Variants in RRAS2 observed in about 807,000 individuals in gnomAD.
RRAS2 encodes RAS related 2.
RRAS2 carries 7 observed loss-of-function variants against 27.6 expected under a neutral mutation model. That is an observed-to-expected ratio of 0.25 (90% confidence interval 0.14 to 0.48). The LOEUF (loss-of-function observed/expected upper bound fraction) is 0.48. RRAS2 is among the 20% of genes least tolerant of loss of function. RRAS2 has a pLI of 0.99. For missense variants in RRAS2, 178 were observed against 256.2 expected, an observed-to-expected ratio of 0.69 and a Z score of 2.08; for synonymous variants, 86 against 90.9, an observed-to-expected ratio of 0.95 and a Z score of 0.31.
intron 4 of RRAS2, among the ~76,000 whole-genome samples, chr11:14,291,368 G>A (rs1554945776): frequency 4.6e-5 from 7 of 152,166 alleles, no homozygotes; most frequent in Non-Finnish European, 1.0e-4. Flanking sequence ...GAGTACAGGT[G>A]CAAAGGAAGA....
At chr11:14,322,033 T>C (rs1848235423) in intron 1 of RRAS2, among the ~76,000 whole-genome samples, 1 of 152,100 alleles carries the variant, frequency 6.6e-6, no homozygotes, top group African/African-American at 2.4e-5. Flanking sequence ...AGACACTGTA[T>C]AAAAAACAAA....
At chr11:14,330,959 C>T (rs1370324531) in intron 1 of RRAS2, among the ~76,000 whole-genome samples, 6 of 152,142 alleles carry the variant, frequency 3.9e-5, no homozygotes, top group African/African-American at 1.4e-4. Context: ...CACTGTTGCT[C>T]AGGGTGGTGT....
At chr11:14,348,194 A>C (rs1225606168) in intron 1 of RRAS2, among the ~76,000 whole-genome samples, 1 of 152,246 alleles carries the variant, frequency 6.6e-6, no homozygotes, top group Non-Finnish European at 1.5e-5. Context: ...AGCATAACAA[A>C]GTAAAACAAA....
intron 4 of RRAS2, among the ~76,000 whole-genome samples, chr11:14,286,157 C>T (rs1259058957): frequency 4.6e-5 from 7 of 152,256 alleles, no homozygotes; most frequent in Admixed American, 4.6e-4. Context: ...GTTTTAATGT[C>T]TCTGTCCACT....
intron 1 of RRAS2, among the ~76,000 whole-genome samples, chr11:14,329,578 C>T (rs1001704597): frequency 6.6e-6 from 1 of 152,168 alleles, no homozygotes; most frequent in East Asian, 1.9e-4. Context: ...ATTATATAAG[C>T]TGTAGGTCCC....
chr11:14,295,796 C>A lies in RRAS2; in HGVS notation c.168G>T (p.Val56=). ...CTAGCCGGGCTGCTCTGTCATCTAT[C>A]ACACACTGCTTTGTGTAAGAATCTT... ...TIEDSYTKQC[V]IDDRAARLDI... Residue 56 remains valine, a synonymous_variant, in exon 2 of 6, where the codon GTG becomes GTT. Coordinates refer to ENST00000256196, the MANE Select transcript of RRAS2 (RefSeq NM_012250.6). 1 of 1,613,216 alleles carries A rather than the reference C, an allele frequency of 6.2e-7. No homozygotes were observed. The highest frequency in any genetic ancestry group is 8.5e-7 in the Non-Finnish European group (1 of 1,179,460).
chr11:14,279,821 CAA>C (rs1226937264), intron 5 of RRAS2, among the ~76,000 whole-genome samples: 1 of 152,160 alleles, frequency 6.6e-6, no homozygotes, highest in Non-Finnish European at 1.5e-5. Context: ...CAGTATTAGA[CAA>C]AGTTAGTTGA....
intron 1 of RRAS2, among the ~76,000 whole-genome samples, chr11:14,331,673 TA>T (rs80130992): frequency 0.18 from 14,614 of 81,624 alleles, 788 homozygotes; most frequent in Middle Eastern, 0.2. Flanking sequence ...CCCCAACTCT[TA>T]AAAAAAAAAA....
chr11:14,323,543 C>G (rs994986843), intron 1 of RRAS2, among the ~76,000 whole-genome samples: 61 of 152,088 alleles, frequency 4.0e-4, no homozygotes, highest in Admixed American at 9.2e-4. Flanking sequence ...CCTCTTCCCC[C>G]CACCGGCACA....
chr11:14,318,039 CATG>C (rs1463632529), intron 1 of RRAS2, among the ~76,000 whole-genome samples: 1 of 152,194 alleles, frequency 6.6e-6, no homozygotes, highest in African/African-American at 2.4e-5. Context: ...GAATCATTTT[CATG>C]ATATTTCCCC....
Position 14,279,203 on chromosome 11 carries a change from C to T in RRAS2, c.*134G>A. 1 of 668,434 alleles carries T rather than the reference C, an allele frequency of 1.5e-6. No homozygotes were observed. The highest frequency in any genetic ancestry group is 2.7e-6 in the Non-Finnish European group (1 of 373,954). 41.4% of individuals were successfully genotyped at this position (668,434 alleles called of 1,614,324 possible). ...GTATTAGCTTCACAGAAAGGACTAG[C>T]CAGCTTCTTCGTCTAAGGCTAACAT... On this transcript the variant is annotated 3_prime_UTR_variant, in exon 6 of 6. Coordinates refer to ENST00000256196, the MANE Select transcript of RRAS2 (RefSeq NM_012250.6).
At chr11:14,309,926 G>A (rs1847921383) in intron 1 of RRAS2, among the ~76,000 whole-genome samples, 1 of 152,218 alleles carries the variant, frequency 6.6e-6, no homozygotes, top group South Asian at 2.1e-4. Context: ...ACTGGCTGCA[G>A]TCAGAAGACT....
At chr11:14,344,400 G>A (rs1217060788) in intron 1 of RRAS2, among the ~76,000 whole-genome samples, 1 of 152,074 alleles carries the variant, frequency 6.6e-6, no homozygotes, top group Non-Finnish European at 1.5e-5. Flanking sequence ...CTGTGTACCT[G>A]CACACAAGCC....
intron 1 of RRAS2, among the ~76,000 whole-genome samples, chr11:14,337,559 AT>A (rs1848612752): frequency 6.6e-6 from 1 of 152,238 alleles, no homozygotes; most frequent in Non-Finnish European, 1.5e-5. Context: ...GAAAGACCGC[AT>A]TCAGATAACT....
chr11:14,305,028 AT>A (rs1267255217), intron 1 of RRAS2, among the ~76,000 whole-genome samples: 1 of 152,242 alleles, frequency 6.6e-6, no homozygotes, highest in Non-Finnish European at 1.5e-5. Context: ...ATGCAGAATA[AT>A]AAAAGCTACA....
rs782133096 is a variant in RRAS2 at position 14,358,751 on chromosome 11, C to A, written c.108+12G>T. On this transcript the variant is annotated intron_variant, in intron 1 of 5. Transcript: ENST00000256196. This position sits in a 1 kb window ranked among gnomAD's most constrained non-coding sequence, Gnocchi z 5.1. ...GCCGCTCCGGCGCCCCGGGCAGGCC[C>A]GCTCCAGGTACCTGGATGAACTGGA... The A allele has an allele frequency of 1.4e-6, 2 of 1,394,152 alleles. No individual in the cohort carries two copies. The highest frequency in any genetic ancestry group is 2.7e-4 in the Middle Eastern group (1 of 3,676). 86.4% of individuals were successfully genotyped at this position (1,394,152 alleles called of 1,614,324 possible).
At chr11:14,292,473 CAT>C (rs1263920251) in intron 4 of RRAS2, among the ~76,000 whole-genome samples, 1 of 151,984 alleles carries the variant, frequency 6.6e-6, no homozygotes, top group Non-Finnish European at 1.5e-5. Context: ...GATGCAATGA[CAT>C]ATAGAGTTTC....
At chr11:14,333,688 C>CT (rs1564976179) in intron 1 of RRAS2, among the ~76,000 whole-genome samples, 1 of 146,830 alleles carries the variant, frequency 6.8e-6, no homozygotes, top group East Asian at 2.1e-4. Context: ...GTCGCCCAGG[C>CT]TGGAGTGCAG....
At chr11:14,306,817 A>G (rs1591458864) in intron 1 of RRAS2, among the ~76,000 whole-genome samples, 2 of 150,062 alleles carry the variant, frequency 1.3e-5, no homozygotes, top group East Asian at 4.1e-4. Context: ...TTGTCCCAGT[A>G]TGTGAATTTA....
Sources: gnomAD v4.1 joint callset for allele counts (sites outside exome capture counted in the v4.1 genomes callset) on GRCh38, gnomAD v4.1.1 for gene constraint, Gnocchi (gnomAD v3.1) non-coding constraint, MANE v1.5 for transcripts, NCBI Gene and HGNC (gene_info 2026-07-23, HGNC 2026-07-21) for gene names.